The following NRCAM variants were observed in gnomAD, a reference collection of about 807,000 sequenced individuals.
NRCAM encodes the protein NgCAM-related cell adhesion molecule.
A neutral mutation model predicts 156.5 loss-of-function variants in NRCAM; 83 were observed. The observed-to-expected ratio is 0.53, with a 90% CI of 0.44 to 0.64. The LOEUF (loss-of-function observed/expected upper bound fraction) is 0.64, where lower values mean the gene tolerates loss of function less well. Among genes scored for constraint, NRCAM ranks in the 30% least tolerant of loss-of-function variants. The pLI is 0.00. For missense variants in NRCAM, 1,417 were observed against 1,597.3 expected, an observed-to-expected ratio of 0.89 and a Z score of 1.92; for synonymous variants, 538 against 563.9, an observed-to-expected ratio of 0.95 and a Z score of 0.65.
At chr7:108,342,820 T>G (rs2099307155) in intron 2 of NRCAM, among the ~76,000 whole-genome samples, 1 of 152,214 alleles carries the variant, frequency 6.6e-6, no homozygotes, top group African/African-American at 2.4e-5. Context: ...TCTTACTGTG[T>G]GGACATCTCA....
chr7:108,389,588 C>T (rs1026326699), intron 2 of NRCAM, among the ~76,000 whole-genome samples: 32 of 152,170 alleles, frequency 2.1e-4, no homozygotes, highest in Admixed American at 1.1e-3. Context: ...ACTTCCAACA[C>T]TATGTTGAAT....
chr7:108,199,676 G>A (rs76041068), intron 13 of NRCAM, among the ~76,000 whole-genome samples: 6,049 of 152,204 alleles, frequency 0.04, 158 homozygotes, highest in Middle Eastern at 0.065. Flanking sequence ...GCCGGAAAAG[G>A]CACTCTGCTT....
chr7:108,256,146 C>T (rs1306685018), intron 3 of NRCAM, among the ~76,000 whole-genome samples: 24 of 152,006 alleles, frequency 1.6e-4, no homozygotes, highest in African/African-American at 2.7e-4. Flanking sequence ...TCATTGAGAA[C>T]GGGCCATGAT....
chr7:108,277,218 G>A (rs2097667905), intron 3 of NRCAM, among the ~76,000 whole-genome samples: 1 of 152,062 alleles, frequency 6.6e-6, no homozygotes, highest in African/African-American at 2.4e-5. Flanking sequence ...GTGTCTTGGG[G>A]TTGCTCTTCT....
intron 2 of NRCAM, among the ~76,000 whole-genome samples, chr7:108,366,870 G>A (rs1261063241): frequency 2.6e-5 from 4 of 152,172 alleles, no homozygotes; most frequent in African/African-American, 7.2e-5. Flanking sequence ...AGGCTTGGGC[G>A]ATGCTTAAGT....
In NRCAM at chr7:108,223,830, G is replaced by A; in HGVS notation, c.785C>T (p.Ser262Leu). The A allele has an allele frequency of 2.6e-6, 4 of 1,532,870 alleles. No individual in the cohort carries two copies. The highest frequency in any genetic ancestry group is 3.6e-6 in the Non-Finnish European group (4 of 1,106,880). The allele number at this position is 1,532,870 out of a possible 1,614,324, so 95.0% of individuals were successfully genotyped here. A position where few individuals can be genotyped will look rare whatever the true frequency, so the allele number is the denominator to read the frequency against. ...LSDTEFYGAK[S>L]SRERPPTFLT... ...AAATGTTGGTGGCCTCTCTCTACTT[G>A]ATTTAGCTGCAAACAAGAAAATCAG... The change falls in exon 11 of 33, where the codon TCA becomes TTA. Residue 262 changes from serine (S) to leucine (L), a missense_variant. Ser to Leu is a moderately radical substitution (Grantham distance 145, BLOSUM62 -2). Transcript: ENST00000379028.
At chr7:108,397,594 CAAGA>C in intron 2 of NRCAM, among the ~76,000 whole-genome samples, 1 of 152,230 alleles carries the variant, frequency 6.6e-6, no homozygotes, top group African/African-American at 2.4e-5. Flanking sequence ...CTGAAGAATG[CAAGA>C]AAGACCCTCT....
At chr7:108,358,186 T>C (rs2099520191) in intron 2 of NRCAM, among the ~76,000 whole-genome samples, 1 of 144,914 alleles carries the variant, frequency 6.9e-6, no homozygotes, top group Admixed American at 7.2e-5. Flanking sequence ...GGCAGGAGGA[T>C]CACTCGAGCC....
intron 2 of NRCAM, among the ~76,000 whole-genome samples, chr7:108,333,168 T>C (rs1456175423): frequency 1.3e-5 from 2 of 152,200 alleles, no homozygotes; most frequent in Admixed American, 1.3e-4. Context: ...TTTCTGGAAG[T>C]TTCCATTGCT....
chr7:108,204,783 T>G (rs757872046), intron 13 of NRCAM, among the ~76,000 whole-genome samples: 2 of 152,124 alleles, frequency 1.3e-5, no homozygotes, highest in Admixed American at 6.5e-5. Context: ...AAAGAAGACT[T>G]TTGGGATGGA....
At chr7:108,306,273 TTA>T (rs1439776469) in intron 3 of NRCAM, among the ~76,000 whole-genome samples, 1 of 152,228 alleles carries the variant, frequency 6.6e-6, no homozygotes, top group African/African-American at 2.4e-5. Flanking sequence ...TACCACTTCT[TTA>T]TATAATGGCT....
At chr7:108,318,870 CA>C (rs919300722) in intron 2 of NRCAM, among the ~76,000 whole-genome samples, 1 of 152,184 alleles carries the variant, frequency 6.6e-6, no homozygotes, top group African/African-American at 2.4e-5. Context: ...TCGAGGCATC[CA>C]ACCCTATTCA....
intron 3 of NRCAM, among the ~76,000 whole-genome samples, chr7:108,290,786 A>G (rs1182694580): frequency 6.6e-6 from 1 of 152,218 alleles, no homozygotes; most frequent in Non-Finnish European, 1.5e-5. Context: ...AGCATTATGT[A>G]CTATCATTAT....
chr7:108,353,617 G>C (rs1476653434), intron 2 of NRCAM, among the ~76,000 whole-genome samples: 1 of 152,154 alleles, frequency 6.6e-6, no homozygotes, highest in Non-Finnish European at 1.5e-5. Flanking sequence ...CACTGCACCT[G>C]GCCTTCCATT....
intron 25 of NRCAM, among the ~76,000 whole-genome samples, chr7:108,178,863 A>G (rs1021503299): frequency 2.0e-5 from 3 of 151,886 alleles, no homozygotes; most frequent in African/African-American, 7.3e-5. Flanking sequence ...CCCTATTGTC[A>G]CTCTAGCCAA....
At chr7:108,389,542 T>A (rs1325684713) in intron 2 of NRCAM, among the ~76,000 whole-genome samples, 1 of 152,172 alleles carries the variant, frequency 6.6e-6, no homozygotes, top group Non-Finnish European at 1.5e-5. Flanking sequence ...CTGAATACCC[T>A]TTATTTCTTT....
At chr7:108,298,030 A>T (rs2098485764) in intron 3 of NRCAM, among the ~76,000 whole-genome samples, 1 of 152,236 alleles carries the variant, frequency 6.6e-6, no homozygotes, top group Non-Finnish European at 1.5e-5. Flanking sequence ...CAGCAGAGTC[A>T]GGACAGGGCT....
chr7:108,192,504 A>C (rs1302574473), intron 17 of NRCAM, among the ~76,000 whole-genome samples: 1 of 151,970 alleles, frequency 6.6e-6, no homozygotes, highest in Non-Finnish European at 1.5e-5. Flanking sequence ...CCGTGGAAAA[A>C]CTGTCTTCCA....
At chr7:108,312,394 G>C (rs1301346672) in intron 3 of NRCAM, among the ~76,000 whole-genome samples, 1 of 151,636 alleles carries the variant, frequency 6.6e-6, no homozygotes, top group Admixed American at 6.6e-5. Flanking sequence ...CTATTTTCTG[G>C]GCTTTATGAT....
Sources: gnomAD v4.1 joint callset for allele counts (sites outside exome capture counted in the v4.1 genomes callset) on GRCh38, gnomAD v4.1.1 for gene constraint, MANE v1.5 for transcripts, NCBI Gene and HGNC (gene_info 2026-07-23, HGNC 2026-07-21) for gene names.